The following PRKCA variants were observed in gnomAD, a reference collection of about 807,000 sequenced individuals.
The protein encoded by PRKCA is protein kinase C alpha type.
Under a neutral mutation model 87.0 loss-of-function variants are expected in PRKCA, and 27 were observed. The ratio of observed to expected loss-of-function variants is 0.31; its 90% CI spans 0.23 to 0.43. The LOEUF (loss-of-function observed/expected upper bound fraction) is 0.43, where lower values mean the gene tolerates loss of function less well. Ranked by LOEUF, PRKCA falls within the 20% of genes least tolerant of loss-of-function variation. PRKCA has a pLI of 1.00. For synonymous variants in PRKCA, 329 were observed against 311.1 expected, an observed-to-expected ratio of 1.06 and a Z score of -0.61; for missense variants, 518 against 852.3, an observed-to-expected ratio of 0.61 and a Z score of 4.88.
rs9904179 is a variant in PRKCA, at chr17:66,685,590, G to C, written c.530-1521G>C. On this transcript the variant is annotated intron_variant, in intron 5 of 16. Transcript: ENST00000413366. ...TACCTATGTAAGGCTTCCAGGTAAGGAGGATGTAAGGCTGTTGGCTGGCAG... is the reference window on the plus strand; with the variant it reads ...TACCTATGTAAGGCTTCCAGGTAAGCAGGATGTAAGGCTGTTGGCTGGCAG... 8.2e-3 allele frequency among the ~76,000 whole-genome samples: 1,242 copies of C among 152,252 alleles called. 12 individuals are homozygous for C. The highest frequency in any genetic ancestry group is 0.029 in the African/African-American group (1,185 of 41,528).
At chr17:66,384,715 A>G (rs1322278620) in intron 2 of PRKCA, among the ~76,000 whole-genome samples, 5 of 150,728 alleles carry the variant, frequency 3.3e-5, no homozygotes, top group Non-Finnish European at 7.4e-5. Flanking sequence ...TGCAAGCTCC[A>G]CCTCCCGTGT....
intron 2 of PRKCA, among the ~76,000 whole-genome samples, chr17:66,386,920 A>G (rs1314528023): frequency 3.9e-5 from 6 of 152,150 alleles, no homozygotes; most frequent in African/African-American, 1.4e-4. Flanking sequence ...GTGTGATAAT[A>G]AGCACTTTGT....
chr17:66,603,354 A>G (rs892083200), intron 3 of PRKCA, among the ~76,000 whole-genome samples: 22 of 152,216 alleles, frequency 1.4e-4, no homozygotes, highest in Admixed American at 1.3e-3. Flanking sequence ...TTTTTAAGAC[A>G]AAGGACGACA....
At chr17:66,731,351 GAAAAAAAA>G (rs5821509) in intron 8 of PRKCA, among the ~76,000 whole-genome samples, 3 of 112,466 alleles carry the variant, frequency 2.7e-5, no homozygotes, top group Admixed American at 9.4e-5. Flanking sequence ...CTCCGTCTCA[GAAAAAAAA>G]AAAAAAAAAA....
chr17:66,569,681 A>G (rs1264694322), intron 3 of PRKCA, among the ~76,000 whole-genome samples: 4 of 152,246 alleles, frequency 2.6e-5, no homozygotes, highest in Non-Finnish European at 5.9e-5. Context: ...GACAATAAAC[A>G]TAAAGTGTTC....
At chr17:66,603,159 T>C (rs1970103852) in intron 3 of PRKCA, among the ~76,000 whole-genome samples, 1 of 152,134 alleles carries the variant, frequency 6.6e-6, no homozygotes, top group Non-Finnish European at 1.5e-5. Context: ...GACTGGAAAC[T>C]CTCTCCAGAA....
At chr17:66,322,939 C>G (rs1256028650) in intron 2 of PRKCA, among the ~76,000 whole-genome samples, 1 of 152,110 alleles carries the variant, frequency 6.6e-6, no homozygotes, top group African/African-American at 2.4e-5. Context: ...AAAACTTGAC[C>G]AGTCCTCCAT....
intron 8 of PRKCA, among the ~76,000 whole-genome samples, chr17:66,725,518 CAAG>C (rs1013757953): frequency 1.8e-4 from 28 of 151,924 alleles, no homozygotes; most frequent in Admixed American, 1.6e-3. Flanking sequence ...TCAATAAATC[CAAG>C]AAGAAGAGGC....
Position 66,671,217 on chromosome 17 carries a change from A to G in PRKCA, c.530-15894A>G, listed in dbSNP as rs1972172583. Among the ~76,000 whole-genome samples the G allele has an allele frequency of 2.0e-5, 3 of 147,036 alleles. No individual in the cohort carries two copies. The South Asian group carries it at 6.3e-4, about 31-fold the overall frequency. ...CAGTGGGAGACTCATCTCAAAAAAA[A>G]AAAAAAAAAAAAAAAAGACTGAAAA... On this transcript the variant is annotated intron_variant, in intron 5 of 16. Coordinates refer to ENST00000413366, the MANE Select transcript of PRKCA (RefSeq NM_002737.3).
At chr17:66,325,350 T>G (rs999123456) in intron 2 of PRKCA, among the ~76,000 whole-genome samples, 1 of 152,250 alleles carries the variant, frequency 6.6e-6, no homozygotes, top group Non-Finnish European at 1.5e-5. Context: ...ATTCAATTTA[T>G]GGGAACTCTT....
At chr17:66,747,795 C>A (rs979226145) in intron 13 of PRKCA, among the ~76,000 whole-genome samples, 2 of 152,176 alleles carry the variant, frequency 1.3e-5, no homozygotes, top group Admixed American at 1.3e-4. Flanking sequence ...AGCTGTTATC[C>A]CCAGGGAGAT....
At chr17:66,700,919 T>C (rs961250770) in intron 8 of PRKCA, among the ~76,000 whole-genome samples, 2 of 152,186 alleles carry the variant, frequency 1.3e-5, no homozygotes, top group Non-Finnish European at 2.9e-5. Context: ...TGCCAATTAT[T>C]AGTATAATTT....
chr17:66,698,819 CA>C (rs59309576), intron 8 of PRKCA, among the ~76,000 whole-genome samples: 8,112 of 102,718 alleles, frequency 0.079, 260 homozygotes, highest in East Asian at 0.17. Context: ...ACTAAAAATA[CA>C]AAAAAAAAAA....
chr17:66,680,321 G>A (rs1972455399), intron 5 of PRKCA, among the ~76,000 whole-genome samples: 1 of 152,220 alleles, frequency 6.6e-6, no homozygotes, highest in Non-Finnish European at 1.5e-5. Flanking sequence ...CGCTTTTGCT[G>A]TCAGGCAGGG....
chr17:66,630,617 A>G (rs1970984382), intron 3 of PRKCA, among the ~76,000 whole-genome samples: 1 of 152,210 alleles, frequency 6.6e-6, no homozygotes. Flanking sequence ...GAATAAGTAG[A>G]CAGGTGCTCC....
At chr17:66,691,473 G>A (rs1342151531) in intron 8 of PRKCA, among the ~76,000 whole-genome samples, 1 of 152,084 alleles carries the variant, frequency 6.6e-6, no homozygotes, top group Non-Finnish European at 1.5e-5. Context: ...TCTATGCCAG[G>A]CATAGCTCCT....
intron 2 of PRKCA, among the ~76,000 whole-genome samples, chr17:66,494,476 C>T (rs961117352): frequency 1.3e-5 from 2 of 152,140 alleles, no homozygotes; most frequent in African/African-American, 4.8e-5. Flanking sequence ...GGGGGCTCTA[C>T]TCACCTTTTT....
chr17:66,789,028 C>A, intron 16 of PRKCA, 49 bp downstream of exon 16: 1 of 1,609,532 alleles, frequency 6.2e-7, no homozygotes, highest in South Asian at 1.1e-5. Flanking sequence ...TCCCCAAATT[C>A]TGGGAGTATC....
At chr17:66,402,966 G>A (rs1013077553) in intron 2 of PRKCA, among the ~76,000 whole-genome samples, 2 of 152,174 alleles carry the variant, frequency 1.3e-5, no homozygotes, top group Non-Finnish European at 2.9e-5. Flanking sequence ...AAGAACAGTG[G>A]TTTTGGTTTC....
Sources: gnomAD v4.1 joint callset for allele counts (sites outside exome capture counted in the v4.1 genomes callset) on GRCh38, gnomAD v4.1.1 for gene constraint, MANE v1.5 for transcripts, NCBI Gene and HGNC (gene_info 2026-07-23, HGNC 2026-07-21) for gene names.